Variants in B9D1 observed in about 807,000 individuals in gnomAD.
The protein encoded by B9D1 is B9 domain-containing protein 1.
A neutral mutation model predicts 26.1 loss-of-function variants in B9D1; 20 were observed. That is an observed-to-expected ratio of 0.77 (90% CI 0.54 to 1.12). The LOEUF (loss-of-function observed/expected upper bound fraction) is 1.12, where lower values mean the gene tolerates loss of function less well. B9D1 is among the 50% of genes most tolerant of loss of function. The probability of loss-of-function intolerance (pLI) is 0.00; values close to 1 mark genes in which losing one functional copy is unlikely to be tolerated. For synonymous variants in B9D1, 105 were observed against 103.1 expected (o/e 1.02, Z -0.11); for missense variants, 260 against 273.7 (o/e 0.95, Z 0.35).
At chr17:19,338,445 C>A (rs75112108), downstream of B9D1, among the ~76,000 whole-genome samples, 354 of 152,350 alleles carry the variant, frequency 2.3e-3, 2 homozygotes, top group East Asian at 0.021. Flanking sequence ...ACACTTCCAT[C>A]AAAAATGTGG....
intron 3 of B9D1, among the ~76,000 whole-genome samples, chr17:19,349,204 G>T (rs1029375971): frequency 6.6e-6 from 1 of 152,174 alleles, no homozygotes; most frequent in Non-Finnish European, 1.5e-5. Flanking sequence ...CCTAGTGAGA[G>T]AATAGTGGTA....
upstream of B9D1, chr17:19,362,993 C>T (rs1361788086): frequency 7.3e-6 from 2 of 272,388 alleles, no homozygotes; most frequent in African/African-American, 4.5e-5. Context: ...CTCACGCCCT[C>T]AGCAAGCCGA....
downstream of B9D1, among the ~76,000 whole-genome samples, chr17:19,342,116 T>G (rs1908035629): frequency 6.6e-6 from 1 of 152,152 alleles, no homozygotes; most frequent in Non-Finnish European, 1.5e-5. Context: ...ACACCCCTGC[T>G]CTAGGCTCAC....
Position 19,359,109 on chromosome 17 carries a change from C to T in B9D1, c.133-1158G>A, listed in dbSNP as rs1364682596. 6.6e-6 allele frequency among the ~76,000 whole-genome samples: 1 copy of T among 152,232 alleles called. No individual in the cohort carries two copies. The highest frequency in any genetic ancestry group is 2.4e-5 in the African/African-American group (1 of 41,466). The stretch of plus-strand genomic sequence containing the variant: ...CTGCCACTGCCCTCCTCTCCCATCT[C>T]CACTGCTGTCAGAGCCAACTGGGCT... On this transcript the variant is annotated intron_variant, in intron 2 of 6. Transcript: ENST00000261499. This position sits in a 1 kb window ranked among gnomAD's most constrained non-coding sequence, Gnocchi z 5.0.
At position 19,343,377 on chromosome 17, in the gene B9D1, C is replaced by T; in HGVS notation, c.557G>A (p.Gly186Glu). 6.2e-7 allele frequency: 1 copy of T among 1,614,130 alleles called. No homozygotes were observed. Among genetic ancestry groups the T allele is most frequent in the Non-Finnish European group, 8.5e-7 (1 of 1,180,012 alleles). The change falls in exon 7 of 7, where the codon GGG becomes GAG. Residue 186 changes from glycine (G) to glutamate (E), a missense_variant. Coordinates refer to ENST00000261499, the MANE Select transcript of B9D1 (RefSeq NM_015681.6). Reference sequence around the variant, plus strand: ...CAACACACCCTGTGTATCAGAAGGCCCAGTGTCATAGCCCAGTTTCCTCAT... The same window carrying T: ...CAACACACCCTGTGTATCAGAAGGCTCAGTGTCATAGCCCAGTTTCCTCAT... ...KDMRKLGYDT[G>E]PSDTQGVLGP... is the part of the protein sequence containing the mutation.
downstream of B9D1, chr17:19,337,553 G>T (rs1308849066): frequency 3.2e-6 from 2 of 616,586 alleles, no homozygotes; most frequent in African/African-American, 1.8e-5. Flanking sequence ...GGGACTGGTG[G>T]CAGGGGGTGC....
At chr17:19,335,174 T>A (rs918923297), downstream of B9D1, 41 of 345,688 alleles carry the variant, frequency 1.2e-4, no homozygotes, top group Middle Eastern at 7.6e-4. Context: ...GATGTTTATT[T>A]AAAAAAAAAA....
chr17:19,350,654 G>A (rs897061004), intron 3 of B9D1, among the ~76,000 whole-genome samples: 2 of 152,134 alleles, frequency 1.3e-5, no homozygotes, highest in Non-Finnish European at 2.9e-5. Flanking sequence ...CCAGGAGGCC[G>A]AGGTTGCAGA....
In B9D1 at chr17:19,362,714, T is replaced by C. The variant is rs754000567; in HGVS notation, c.-145A>G. 22 of 1,511,930 alleles carry C rather than the reference T, an allele frequency of 1.5e-5. No individual in the cohort carries two copies. The highest frequency in any genetic ancestry group is 2.6e-5 in the East Asian group (1 of 38,758). The allele number at this position is 1,511,930 out of a possible 1,614,324, so 93.7% of individuals were successfully genotyped here. A position where few individuals can be genotyped will look rare whatever the true frequency, so the allele number is the denominator to read the frequency against. On this transcript the variant is annotated 5_prime_UTR_variant, in exon 1 of 7. Transcript: ENST00000261499. The stretch of plus-strand genomic sequence containing the variant: ...TTCGCGAAGGCCACGCGAGTGCGCG[T>C]GTGGCATGCGCAGGCGCAGTGAACG...
Position 19,352,351 on chromosome 17 carries a change from C to CT in B9D1, c.245-4472dup, listed in dbSNP as rs776525255. Among the ~76,000 whole-genome samples the CT allele has an allele frequency of 3.5e-3, 518 of 145,968 alleles. 3 individuals are homozygous for CT. Among genetic ancestry groups the CT allele is most frequent in the Middle Eastern group, 0.018 (5 of 278 alleles). Reference sequence around the variant, plus strand: ...TAACTTGCTATTCTTTTACTAATTTCTTTTTTTTTTTGAGATTGAGTTTCA... The same window carrying CT: ...TAACTTGCTATTCTTTTACTAATTTCTTTTTTTTTTTTGAGATTGAGTTTCA... On this transcript the variant is annotated intron_variant, in intron 3 of 6. Transcript: ENST00000261499.
At chr17:19,353,255 T>C (rs1909889639) in intron 3 of B9D1, among the ~76,000 whole-genome samples, 1 of 152,048 alleles carries the variant, frequency 6.6e-6, no homozygotes, top group South Asian at 2.1e-4. Context: ...ATTATAGGCA[T>C]GAGCCACCGT....
downstream of B9D1, chr17:19,343,012 C>G: frequency 8.7e-7 from 1 of 1,144,168 alleles, no homozygotes; most frequent in South Asian, 2.1e-5. Flanking sequence ...AAGCTCCCAT[C>G]CCACATGCCA....
chr17:19,365,073 T>C (rs1411804384), upstream of B9D1, among the ~76,000 whole-genome samples: 1 of 152,260 alleles, frequency 6.6e-6, no homozygotes, highest in Non-Finnish European at 1.5e-5. The surrounding 1 kb of genome is among the most constrained non-coding windows in gnomAD (Gnocchi z 5.0). Context: ...TTCAAACCCC[T>C]GGCCCCAGCA....
rs553274404 is a variant in B9D1 at position 19,370,930 on chromosome 17, T to C, written c.-298+6929A>G. ...GAAGGCCTGGATCCTCCATGTCCTA[T>C]GGGCAGGTCAACCACAACAAAGCCC... On this transcript the variant is annotated intron_variant, in intron 1 of 5. Coordinates refer to the B9D1 transcript ENST00000477478. The surrounding 1 kb of genome is among the most constrained non-coding windows in gnomAD (Gnocchi z 5.1). 6.4e-4 allele frequency among the ~76,000 whole-genome samples: 98 copies of C among 152,316 alleles called. 1 individual carries two copies. The South Asian group carries it at 0.02, about 32-fold the overall frequency.
At chr17:19,374,084 C>T (rs1413966477) in intron 1 of B9D1, among the ~76,000 whole-genome samples, 1 of 152,136 alleles carries the variant, frequency 6.6e-6, no homozygotes, top group Non-Finnish European at 1.5e-5. Context: ...TGTCTTTGTT[C>T]CCACAAAAAG....
Position 19,347,828 on chromosome 17 carries a change from C to A in B9D1, c.297G>T (p.Val99=). 1 of 1,614,072 alleles carries A rather than the reference C, an allele frequency of 6.2e-7. No homozygotes were observed. Among genetic ancestry groups the A allele is most frequent in the Non-Finnish European group, 8.5e-7 (1 of 1,180,004 alleles). The change falls in exon 4 of 7, where the codon GTG becomes GTT. Residue 99 remains valine, a synonymous_variant. Coordinates refer to ENST00000261499, the MANE Select transcript of B9D1 (RefSeq NM_015681.6). The surrounding 1 kb of genome is among the most constrained non-coding windows in gnomAD (Gnocchi z 4.3). The part of the protein sequence containing the change: ...VYGPDVFGND[V]VRGYGAVHVP... ...CGTGCACGGCCCCATAGCCTCGAAC[C>A]ACATCGTTCCCGAACACATCTGGTC...
intron 1 of B9D1, chr17:19,377,776 G>A (rs1912219745): frequency 3.1e-6 from 3 of 958,678 alleles, no homozygotes; most frequent in Non-Finnish European, 3.7e-6. Context: ...GAGGAGCAGA[G>A]GTTGGGCGGC....
rs1231258305 is a variant in B9D1, at chr17:19,362,686, A to G, written c.-117T>C. 2 of 1,527,122 alleles carry G rather than the reference A, an allele frequency of 1.3e-6. No homozygotes were observed. The highest frequency in any genetic ancestry group is 2.0e-5 in the Admixed American group (1 of 50,532). The allele number at this position is 1,527,122 out of a possible 1,614,324, so 94.6% of individuals were successfully genotyped here. On this transcript the variant is annotated 5_prime_UTR_variant, in exon 1 of 7. Coordinates refer to ENST00000261499, the MANE Select transcript of B9D1 (RefSeq NM_015681.6). ...GCAGGACACGTTTCTTGGCAGCGAC[A>G]CCTTCGCGAAGGCCACGCGAGTGCG...
chr17:19,356,940 G>A (rs1439764490), intron 3 of B9D1, among the ~76,000 whole-genome samples: 2 of 152,214 alleles, frequency 1.3e-5, no homozygotes, highest in African/African-American at 4.8e-5. Flanking sequence ...ACTCATGGAT[G>A]ATGACAGCAG....
Sources: allele counts gnomAD v4.1 joint callset (sites outside exome capture counted in the v4.1 genomes callset), GRCh38; gene constraint gnomAD v4.1.1; non-coding constraint Gnocchi (gnomAD v3.1); transcripts MANE v1.5; gene names NCBI Gene and HGNC (gene_info 2026-07-23, HGNC 2026-07-21).